IFIT3: variants seen among roughly 807,000 people sequenced by gnomAD.
IFIT3 encodes interferon-induced protein with tetratricopeptide repeats 3.
IFIT3 carries 2 observed loss-of-function variants against 2.4 expected under a neutral mutation model. The observed-to-expected ratio is 0.82, with a 90% CI of 0.34 to 2.60. IFIT3 has a LOEUF of 2.60. Among genes scored for constraint, IFIT3 ranks in the 30% most tolerant of loss-of-function variants. The pLI is 0.11. For missense variants in IFIT3, 481 were observed against 562.4 expected (o/e 0.86, Z 1.46); for synonymous variants, 203 against 212.1 (o/e 0.96, Z 0.37).
chr10:89,335,463 G>A (rs1270643199), intron 1 of IFIT3: 2 of 151,558 alleles, frequency 1.3e-5, no homozygotes, highest in African/African-American at 2.4e-5. Flanking sequence ...ATCTCAGAGG[G>A]AGAATCTTGA....
rs915297253 is a variant in IFIT3, at chr10:89,339,829, T to A, written c.1174T>A (p.Ser392Thr). ...AGAGGGTTTGTCCATAAGCAAAAAA[T>A]CAACTGACAAGGAAGAGATCAAAGA... ...GLEGLSISKKSTDKEEIKDQP... is the reference protein window; with the variant it reads ...GLEGLSISKKTTDKEEIKDQP... The change falls in exon 2 of 2, where the codon TCA (serine) becomes ACA (threonine). Residue 392 changes from serine (S) to threonine (T), a missense_variant. Physicochemically the swap from Ser to Thr is moderately conservative, Grantham distance 58. Coordinates refer to ENST00000371818, the MANE Select transcript of IFIT3 (RefSeq NM_001549.6). 5 of 1,613,932 alleles carry A rather than the reference T, an allele frequency of 3.1e-6. No individual in the cohort carries two copies. Among genetic ancestry groups the A allele is most frequent in the Non-Finnish European group, 4.2e-6 (5 of 1,180,010 alleles).
intron 1 of IFIT3, among the ~76,000 whole-genome samples, chr10:89,330,208 C>G (rs1229901823): frequency 6.6e-6 from 1 of 152,212 alleles, no homozygotes; most frequent in African/African-American, 2.4e-5. Context: ...ACGTTTTACG[C>G]ATGACCTCAT....
chr10:89,337,280 A>G (rs1843757099), intron 1 of IFIT3, among the ~76,000 whole-genome samples: 1 of 152,250 alleles, frequency 6.6e-6, no homozygotes, highest in Non-Finnish European at 1.5e-5. Flanking sequence ...CTTAGTATCC[A>G]TAATATCTAA....
At position 89,339,775 on chromosome 10, in the gene IFIT3, T is replaced by C. The variant is rs747887545; in HGVS notation, c.1120T>C (p.Ser374Pro). The stretch of plus-strand genomic sequence containing the variant: ...CAACCTTCAGAAATATAATGGGAAG[T>C]CTGAAGACACTGCTGTGCAACATGG... The part of the protein sequence containing the change: ...YCNLQKYNGK[S>P]EDTAVQHGLE... The change falls in exon 2 of 2, where the codon TCT becomes CCT. Residue 374 changes from serine to proline, a missense_variant. Physicochemically the swap from Ser to Pro is moderately conservative, Grantham distance 74. Coordinates refer to ENST00000371818, the MANE Select transcript of IFIT3 (RefSeq NM_001549.6). The C allele has an allele frequency of 1.9e-6, 3 of 1,614,044 alleles. No individual in the cohort carries two copies. The African/African-American group carries it at 4.0e-5, about 22-fold the overall frequency.
chr10:89,340,186 C>T lies in IFIT3; in HGVS notation c.*58C>T, dbSNP rs10749607. The stretch of plus-strand genomic sequence containing the variant: ...GCAGTGGTGGTTGTGACGGGTAGGA[C>T]GATAGGAAGACAGGGGGCCCCAACC... On this transcript the variant is annotated 3_prime_UTR_variant, in exon 2 of 2. Coordinates refer to ENST00000371818, the MANE Select transcript of IFIT3 (RefSeq NM_001549.6). 5 of 1,508,714 alleles carry T rather than the reference C, an allele frequency of 3.3e-6. No individual in the cohort carries two copies. The highest frequency in any genetic ancestry group is 2.3e-5 in the East Asian group (1 of 43,828). The allele number at this position is 1,508,714 out of a possible 1,614,324, so 93.5% of individuals were successfully genotyped here. A position where few individuals can be genotyped will look rare whatever the true frequency, so the allele number is the denominator to read the frequency against.
At chr10:89,328,608 T>C (rs949088037) in intron 1 of IFIT3, among the ~76,000 whole-genome samples, 1 of 152,200 alleles carries the variant, frequency 6.6e-6, no homozygotes, top group Non-Finnish European at 1.5e-5. Context: ...AATTTTGCCC[T>C]GAAACGTTGC....
chr10:89,338,901 G>A lies in IFIT3; in HGVS notation c.246G>A (p.Gln82=). 3 of 1,614,164 alleles carry A rather than the reference G, an allele frequency of 1.9e-6. No individual in the cohort carries two copies. The highest frequency in any genetic ancestry group is 2.5e-6 in the Non-Finnish European group (3 of 1,180,026). The change falls in exon 2 of 2, where the codon CAG becomes CAA. Residue 82 remains glutamine (Q), a synonymous_variant. Transcript: ENST00000371818. ...TACGGCAAGCTGAAGAGTTAATCCA[G>A]CAAGAACATGCTGACCAAGCAGAAA... The part of the protein sequence containing the change: ...ECLRQAEELI[Q]QEHADQAEIR...
chr10:89,339,900 A>G lies in IFIT3; in HGVS notation c.1245A>G (p.Pro415=), dbSNP rs17119665. ...VSENLLPQNA[P]NYWYLQGLIH... ...AAAATCTGCTTCCACAAAATGCACC[A>G]AATTATTGGTATCTTCAAGGATTAA... The change falls in exon 2 of 2, where the codon CCA becomes CCG. Residue 415 remains proline, a synonymous_variant. Transcript: ENST00000371818. 38,860 of 1,614,108 alleles carry G rather than the reference A, an allele frequency of 0.024. 1,708 individuals are homozygous for G. The highest frequency in any genetic ancestry group is 0.2 in the African/African-American group (14,632 of 75,018).
chr10:89,333,824 T>G (rs530803881), intron 1 of IFIT3, among the ~76,000 whole-genome samples: 1 of 152,174 alleles, frequency 6.6e-6, no homozygotes, highest in Non-Finnish European at 1.5e-5. Flanking sequence ...CCCGGGAGGT[T>G]GTAAGAAAGG....
In IFIT3 at chr10:89,339,089, C is replaced by T; in HGVS notation, c.434C>T (p.Thr145Ile). ...YSELDCEEGW[T>I]QLKCGRNERA... ...GAACTTGACTGTGAGGAAGGGTGGA[C>T]ACAACTGAAGTGTGGAAGAAATGAA... The change falls in exon 2 of 2, where the codon ACA (threonine) becomes ATA (isoleucine). Residue 145 changes from threonine (T) to isoleucine (I), a missense_variant. Coordinates refer to ENST00000371818, the MANE Select transcript of IFIT3 (RefSeq NM_001549.6). 1 of 1,613,968 alleles carries T rather than the reference C, an allele frequency of 6.2e-7. No homozygotes were observed. Among genetic ancestry groups the T allele is most frequent in the Non-Finnish European group, 8.5e-7 (1 of 1,180,006 alleles).
intron 1 of IFIT3, among the ~76,000 whole-genome samples, chr10:89,337,930 A>C (rs7902109): frequency 0.062 from 9,423 of 152,282 alleles, 694 homozygotes; most frequent in African/African-American, 0.18. Flanking sequence ...TTTTCACTTA[A>C]AATACAGTAT....
intron 1 of IFIT3, among the ~76,000 whole-genome samples, chr10:89,330,553 C>T (rs1320653884): frequency 6.6e-6 from 1 of 152,178 alleles, no homozygotes; most frequent in Non-Finnish European, 1.5e-5. Flanking sequence ...AGAACTGAAC[C>T]CAGATCTTGG....
At position 89,339,233 on chromosome 10, in the gene IFIT3, C is replaced by T. The variant is rs1260471962; in HGVS notation, c.578C>T (p.Thr193Ile). ...AATCACCCAGAGAAACAGTTCTCTA[C>T]TGATGTTTTGAAGCAGGCCATTGAG... Reference protein sequence around the residue: ...LDNHPEKQFSTDVLKQAIELS... With the variant: ...LDNHPEKQFSIDVLKQAIELS... The change falls in exon 2 of 2, where the codon ACT becomes ATT. Residue 193 changes from threonine to isoleucine, a missense_variant. Physicochemically the swap from Thr to Ile is moderately conservative, Grantham distance 89. Coordinates refer to ENST00000371818, the MANE Select transcript of IFIT3 (RefSeq NM_001549.6). 4.3e-6 allele frequency: 7 copies of T among 1,614,166 alleles called. No homozygotes were observed. Among genetic ancestry groups the T allele is most frequent in the African/African-American group, 1.3e-5 (1 of 75,048 alleles).
chr10:89,336,215 G>A (rs1014617818), intron 1 of IFIT3, among the ~76,000 whole-genome samples: 2 of 151,456 alleles, frequency 1.3e-5, no homozygotes, highest in Admixed American at 1.3e-4. Context: ...AATAGGGAGG[G>A]AGGAAGAGAG....
intron 1 of IFIT3, among the ~76,000 whole-genome samples, chr10:89,331,688 G>A (rs187437044): frequency 4.0e-5 from 6 of 151,806 alleles, no homozygotes; most frequent in East Asian, 1.9e-4. Flanking sequence ...GTGAGACCCC[G>A]TCTGTACTAA....
intron 1 of IFIT3, among the ~76,000 whole-genome samples, chr10:89,331,537 C>T (rs1360273658): frequency 6.6e-6 from 1 of 152,046 alleles, no homozygotes; most frequent in East Asian, 1.9e-4. Context: ...TGATTACAGT[C>T]CAAGGGAATT....
In IFIT3 at chr10:89,328,085, G is replaced by C; in HGVS notation, c.5+7G>C. On this transcript the variant is annotated splice_region_variant and intron_variant, in intron 1 of 1. Transcript: ENST00000371818. The stretch of plus-strand genomic sequence containing the variant: ...CACAGAGGGCAGTCATGAGGTCAGT[G>C]AAATAAGAATGCATAATCATGCTTG... 1 of 1,613,856 alleles carries C rather than the reference G, an allele frequency of 6.2e-7. No homozygotes were observed. Among genetic ancestry groups the C allele is most frequent in the Non-Finnish European group, 8.5e-7 (1 of 1,179,764 alleles).
At position 89,338,977 on chromosome 10, in the gene IFIT3, G is replaced by A. The variant is rs1375183968; in HGVS notation, c.322G>A (p.Gly108Ser). ...CTACGCCTGGGTCTACTATCACTTG[G>A]GCAGACTCTCAGATGCTCAGATTTA... ...GNYAWVYYHL[G>S]RLSDAQIYVD... is the part of the protein sequence containing the mutation. Residue 108 changes from glycine (G) to serine (S), a missense_variant, in exon 2 of 2, where the codon GGC becomes AGC. Gly to Ser is a moderately conservative substitution (Grantham distance 56). Transcript: ENST00000371818. 24 of 1,613,966 alleles carry A rather than the reference G, an allele frequency of 1.5e-5. No homozygotes were observed. The highest frequency in any genetic ancestry group is 2.0e-5 in the Non-Finnish European group (24 of 1,180,006).
rs765494934 is a variant in IFIT3 at position 89,339,352 on chromosome 10, G to C, written c.697G>C (p.Ala233Pro). The change falls in exon 2 of 2, where the codon GCC (alanine) becomes CCC (proline). Residue 233 changes from alanine to proline, a missense_variant. Ala to Pro is a conservative substitution (Grantham distance 27). Coordinates refer to ENST00000371818, the MANE Select transcript of IFIT3 (RefSeq NM_001549.6). ...TGAAGGAGAGCAGTTTGTTGAAGAA[G>C]CCTTGGAAAAGTCTCCTTGCCAAAC... ...EAEGEQFVEE[A>P]LEKSPCQTDV... is the part of the protein sequence containing the mutation. 1 of 1,613,712 alleles carries C rather than the reference G, an allele frequency of 6.2e-7. No homozygotes were observed.
Sources: gnomAD v4.1 joint callset for allele counts (sites outside exome capture counted in the v4.1 genomes callset) on GRCh38, gnomAD v4.1.1 for gene constraint, MANE v1.5 for transcripts, NCBI Gene and HGNC (gene_info 2026-07-23, HGNC 2026-07-21) for gene names.